Variants in NOC3L observed in about 807,000 individuals in gnomAD.
The protein encoded by NOC3L is nucleolar complex protein 3 homolog.
NOC3L carries 85 observed loss-of-function variants against 102.5 expected under a neutral mutation model. That is an observed-to-expected ratio of 0.83 (90% confidence interval 0.70 to 0.99). NOC3L has a LOEUF of 0.99. NOC3L is among the 50% of genes least tolerant of loss of function. The pLI is 0.00. For missense variants in NOC3L, 878 were observed against 914.9 expected, an observed-to-expected ratio of 0.96 and a Z score of 0.52; for synonymous variants, 303 against 309.4, an observed-to-expected ratio of 0.98 and a Z score of 0.22.
chr10:94,358,156 CCAT>C lies in NOC3L; in HGVS notation c.274_276del (p.Met92del). The stretch of plus-strand genomic sequence containing the variant: ...TTCATTAACTGTAAGTCATCTTCAT[CCAT>C]CATATCTAAAGGAAGGGCTTCTTCT... On this transcript the variant is annotated inframe_deletion, in exon 3 of 21. Coordinates refer to ENST00000371361, the MANE Select transcript of NOC3L (RefSeq NM_022451.11). 3 of 1,611,456 alleles carry C rather than the reference CCAT, an allele frequency of 1.9e-6. No individual in the cohort carries two copies. The highest frequency in any genetic ancestry group is 2.5e-6 in the Non-Finnish European group (3 of 1,178,420).
intron 5 of NOC3L, 85 bp from the exon 6 acceptor site, chr10:94,355,178 A>T: frequency 8.2e-7 from 1 of 1,217,834 alleles, no homozygotes; most frequent in Non-Finnish European, 1.1e-6. Flanking sequence ...CAGTAATAAT[A>T]ATAATGACAA....
At chr10:94,324,966 GC>G in the NOC3L span, 1 of 1,614,108 alleles carries the variant, frequency 6.2e-7, no homozygotes, top group Non-Finnish European at 8.5e-7. Context: ...CAACTAAACA[GC>G]CCCGAGGACT....
At chr10:94,359,518 A>G (rs2054528994) in intron 2 of NOC3L, among the ~76,000 whole-genome samples, 2 of 152,032 alleles carry the variant, frequency 1.3e-5, no homozygotes, top group South Asian at 4.1e-4. Flanking sequence ...ACAGAATGGC[A>G]CTCCTATCTA....
intron 5 of NOC3L, 87 bp from the exon 6 acceptor site, chr10:94,355,180 T>G: frequency 8.3e-7 from 1 of 1,199,218 alleles, no homozygotes; most frequent in Non-Finnish European, 1.2e-6. Flanking sequence ...GTAATAATAA[T>G]AATGACAACA....
rs779270438 is a variant in NOC3L at position 94,355,012 on chromosome 10, ATCT to A, written c.644_646del (p.Lys215del). On this transcript the variant is annotated inframe_deletion, in exon 6 of 21. Coordinates refer to ENST00000371361, the MANE Select transcript of NOC3L (RefSeq NM_022451.11). ...GGCAGATGCCAAGGCTGCAATATGC[ATCT>A]TCTTCTCCTGTAATTTCTTCTTTCT... 1.2e-6 allele frequency: 2 copies of A among 1,613,190 alleles called. No individual in the cohort carries two copies. Among genetic ancestry groups the A allele is most frequent in the East Asian group, 2.2e-5 (1 of 44,760 alleles).
intron 6 of NOC3L, among the ~76,000 whole-genome samples, chr10:94,354,320 T>C (rs2054457275): frequency 6.6e-6 from 1 of 152,228 alleles, no homozygotes; most frequent in South Asian, 2.1e-4. Flanking sequence ...TTCACGTATA[T>C]TTCATCATAT....
chr10:94,355,768 GTT>G (rs199854686), intron 5 of NOC3L, among the ~76,000 whole-genome samples: 5 of 151,176 alleles, frequency 3.3e-5, no homozygotes, highest in African/African-American at 1.2e-4. Flanking sequence ...ATCCTATTTA[GTT>G]TTTTTTTAAG....
At chr10:94,351,446 TAAGA>T (rs1233143249) in intron 8 of NOC3L, among the ~76,000 whole-genome samples, 1 of 152,224 alleles carries the variant, frequency 6.6e-6, no homozygotes, top group African/African-American at 2.4e-5. Flanking sequence ...CTGAAGAGTT[TAAGA>T]GTTTATCATC....
At chr10:94,335,622 C>T (rs1267108326) in intron 19 of NOC3L, among the ~76,000 whole-genome samples, 1 of 152,194 alleles carries the variant, frequency 6.6e-6, no homozygotes, top group Admixed American at 6.5e-5. Context: ...AACTGACTGA[C>T]TACTGTCATG....
Position 94,339,786 on chromosome 10 carries a change from G to T in NOC3L, c.1915C>A (p.Pro639Thr). The T allele has an allele frequency of 6.2e-7, 1 of 1,613,968 alleles. No homozygotes were observed. The highest frequency in any genetic ancestry group is 8.5e-7 in the Non-Finnish European group (1 of 1,179,968). ...GCTAAAATGCCAATACTTGAATTTG[G>T]AAGAACATGAAGAGCAAGGGTACAA... ...RLCTLALHVL[P>T]NSSIGILATT... The change falls in exon 17 of 21, where the codon CCA becomes ACA. Residue 639 changes from proline to threonine, a missense_variant. Physicochemically the swap from Pro to Thr is conservative, Grantham distance 38. Coordinates refer to ENST00000371361, the MANE Select transcript of NOC3L (RefSeq NM_022451.11).
chr10:94,344,594 C>T, intron 12 of NOC3L, 79 bp from the exon 13 acceptor site: 1 of 1,009,884 alleles, frequency 9.9e-7, no homozygotes, highest in Admixed American at 2.3e-5. Flanking sequence ...ATCACTTCAA[C>T]AGGTTAACTT....
chr10:94,322,092 T>G, the NOC3L span: 6 of 1,598,222 alleles, frequency 3.8e-6, no homozygotes. Context: ...CCTGAGTCCT[T>G]TCCTCAGCAT....
intron 19 of NOC3L, among the ~76,000 whole-genome samples, chr10:94,337,142 A>G (rs1346867690): frequency 6.6e-6 from 1 of 152,052 alleles, no homozygotes; most frequent in African/African-American, 2.4e-5. Flanking sequence ...TAAACAGTTC[A>G]GGGAAAAGAA....
intron 2 of NOC3L, among the ~76,000 whole-genome samples, chr10:94,358,974 C>T (rs575177204): frequency 5.3e-5 from 8 of 151,988 alleles, no homozygotes; most frequent in South Asian, 2.1e-4. Context: ...TCACTGTCTG[C>T]GTCTTGCTCT....
rs1253656517 is a variant in NOC3L at position 94,350,234 on chromosome 10, T to C, written c.1007A>G (p.Lys336Arg). ...KSNVVSLKAY[K>R]GLAEVAVKSL... Reference sequence around the variant, plus strand: ...CTTCACAGCGACTTCTGCCAGTCCTTTGTATGCCTTTAAGGAAACTACATT... The same window carrying C: ...CTTCACAGCGACTTCTGCCAGTCCTCTGTATGCCTTTAAGGAAACTACATT... The change falls in exon 9 of 21, where the codon AAA becomes AGA. Residue 336 changes from lysine (K) to arginine (R), a missense_variant. Transcript: ENST00000371361. The C allele has an allele frequency of 6.2e-7, 1 of 1,614,086 alleles. No individual in the cohort carries two copies. Among genetic ancestry groups the C allele is most frequent in the African/African-American group, 1.3e-5 (1 of 74,920 alleles).
chr10:94,351,740 C>A (rs2054421411), intron 8 of NOC3L, among the ~76,000 whole-genome samples: 1 of 150,510 alleles, frequency 6.6e-6, no homozygotes, highest in Admixed American at 6.6e-5. Flanking sequence ...ATTCCCCAGG[C>A]TGGTCTCAAA....
chr10:94,351,247 C>A (rs923795408), intron 8 of NOC3L, among the ~76,000 whole-genome samples: 1 of 151,716 alleles, frequency 6.6e-6, no homozygotes, highest in Non-Finnish European at 1.5e-5. Flanking sequence ...CCCCACCCCA[C>A]TATACTCCAC....
chr10:94,343,225 TTAAA>T (rs1418292603), intron 13 of NOC3L, among the ~76,000 whole-genome samples: 1 of 152,124 alleles, frequency 6.6e-6, no homozygotes, highest in African/African-American at 2.4e-5. Flanking sequence ...TTAAACTTTT[TTAAA>T]TAAAGGAATT....
chr10:94,322,489 A>AAT, the NOC3L span, among the ~76,000 whole-genome samples: 5 of 152,226 alleles, frequency 3.3e-5, no homozygotes, highest in South Asian at 8.3e-4. Flanking sequence ...TGTCTTTACA[A>AAT]AAAGTACAAA....
Sources: allele counts gnomAD v4.1 joint callset (sites outside exome capture counted in the v4.1 genomes callset), GRCh38; gene constraint gnomAD v4.1.1; transcripts MANE v1.5; gene names NCBI Gene and HGNC (gene_info 2026-07-23, HGNC 2026-07-21).